The following MSH4 variants were observed in gnomAD, a reference collection of about 807,000 sequenced individuals.
MSH4 encodes mutS homolog 4.
Under a neutral mutation model 113.7 loss-of-function variants are expected in MSH4, and 106 were observed. The ratio of observed to expected loss-of-function variants is 0.93; its 90% confidence interval spans 0.80 to 1.10. MSH4 has a LOEUF of 1.10. Among genes scored for constraint, MSH4 ranks in the 50% least tolerant of loss-of-function variants. The pLI is 0.00. For missense variants in MSH4, 1,061 were observed against 1,093.7 expected, an observed-to-expected ratio of 0.97 and a Z score of 0.42; for synonymous variants, 368 against 380.2, an observed-to-expected ratio of 0.97 and a Z score of 0.37.
chr1:75,805,722 C>A (rs1417550857), intron 2 of MSH4, among the ~76,000 whole-genome samples: 2 of 152,000 alleles, frequency 1.3e-5, no homozygotes, highest in Non-Finnish European at 2.9e-5. Context: ...AGATATATTG[C>A]CAAGTTTCTT....
At position 75,822,491 on chromosome 1, in the gene MSH4, C is replaced by T; in HGVS notation, c.1072C>T (p.Pro358Ser). The T allele has an allele frequency of 3.8e-6, 6 of 1,582,854 alleles. No homozygotes were observed. The highest frequency in any genetic ancestry group is 5.1e-6 in the Non-Finnish European group (6 of 1,165,658). Residue 358 changes from proline to serine, a missense_variant, in exon 7 of 20, where the codon CCT (proline) becomes TCT (serine). Physicochemically the swap from Pro to Ser is moderately conservative, Grantham distance 74. Coordinates refer to ENST00000263187, the MANE Select transcript of MSH4 (RefSeq NM_002440.4). ...ACGACTTCGTTCTAATATATTAGAG[C>T]CTCTAGTTGATATTGAAACCATTAA... ...SRRLRSNILE[P>S]LVDIETINMR...
chr1:75,809,525 G>T (rs959950908), intron 3 of MSH4, among the ~76,000 whole-genome samples: 6 of 151,836 alleles, frequency 4.0e-5, no homozygotes, highest in Admixed American at 6.6e-5. Flanking sequence ...CTTATTTTAT[G>T]AAAAGCTAAG....
intron 15 of MSH4, among the ~76,000 whole-genome samples, chr1:75,888,002 A>G (rs1283291553): frequency 1.3e-5 from 2 of 150,796 alleles, no homozygotes; most frequent in African/African-American, 4.9e-5. Flanking sequence ...TTTATAATTT[A>G]TTGGGTTATT....
chr1:75,880,452 T>C (rs1651906761), intron 13 of MSH4, among the ~76,000 whole-genome samples: 1 of 152,098 alleles, frequency 6.6e-6, no homozygotes, highest in African/African-American at 2.4e-5. Flanking sequence ...TTTCCTATGG[T>C]CTGTAAGTCC....
At chr1:75,904,463 G>T in intron 19 of MSH4, among the ~76,000 whole-genome samples, 1 of 151,834 alleles carries the variant, frequency 6.6e-6, no homozygotes, top group Admixed American at 6.6e-5. Flanking sequence ...AAAAATATCT[G>T]GTATAATGCA....
At chr1:75,850,775 A>G (rs988902091) in intron 8 of MSH4, among the ~76,000 whole-genome samples, 2 of 152,080 alleles carry the variant, frequency 1.3e-5, no homozygotes, top group African/African-American at 4.8e-5. Context: ...TTAAGAAAGG[A>G]GTGTCAAAAT....
At chr1:75,849,326 G>A (rs969098416) in intron 8 of MSH4, among the ~76,000 whole-genome samples, 1 of 152,138 alleles carries the variant, frequency 6.6e-6, no homozygotes, top group Non-Finnish European at 1.5e-5. Context: ...ATTCTGCAAA[G>A]AAAGTAATAA....
At chr1:75,906,957 C>G (rs1055137187) in intron 19 of MSH4, among the ~76,000 whole-genome samples, 6 of 152,046 alleles carry the variant, frequency 3.9e-5, no homozygotes, top group Admixed American at 3.9e-4. Flanking sequence ...CCTCAGCCTC[C>G]TGAGTAGCTG....
At chr1:75,904,093 A>C (rs1652567647) in intron 19 of MSH4, among the ~76,000 whole-genome samples, 1 of 152,166 alleles carries the variant, frequency 6.6e-6, no homozygotes, top group South Asian at 2.1e-4. Context: ...GAATTTTGTC[A>C]AATACTTTTT....
rs1197417063 is a variant in MSH4, at chr1:75,886,696, TATATAA to T, written c.2108-2549_2108-2544del. 5.4e-5 allele frequency among the ~76,000 whole-genome samples: 7 copies of T among 130,830 alleles called. 1 individual carries two copies. In the East Asian group the frequency reaches 7.3e-4, roughly 14 times the overall value. 85.8% of individuals were successfully genotyped at this position (130,830 alleles called of 152,430 possible). ...ACATTATATACATTATAATGTATAATATATAAATATATTATATATAAATGTATACAT... is the reference window on the plus strand; with the variant it reads ...ACATTATATACATTATAATGTATAATATATATTATATATAAATGTATACAT... On this transcript the variant is annotated intron_variant, in intron 15 of 19. Coordinates refer to ENST00000263187, the MANE Select transcript of MSH4 (RefSeq NM_002440.4).
At chr1:75,834,182 C>G (rs1319249389) in intron 7 of MSH4, among the ~76,000 whole-genome samples, 1 of 152,252 alleles carries the variant, frequency 6.6e-6, no homozygotes, top group African/African-American at 2.4e-5. Flanking sequence ...TGAAAAAGTA[C>G]TCCTTATCAC....
At chr1:75,808,920 T>C (rs1294552363) in intron 3 of MSH4, among the ~76,000 whole-genome samples, 1 of 152,170 alleles carries the variant, frequency 6.6e-6, no homozygotes, top group Non-Finnish European at 1.5e-5. Context: ...GTTATTTAAC[T>C]CAATTATTAT....
At chr1:75,866,241 A>G (rs1651559911) in intron 8 of MSH4, among the ~76,000 whole-genome samples, 1 of 152,106 alleles carries the variant, frequency 6.6e-6, no homozygotes, top group African/African-American at 2.4e-5. Flanking sequence ...TGCTTACTGC[A>G]GGCTCAACCT....
intron 3 of MSH4, 39 bp downstream of exon 3, chr1:75,807,180 G>A (rs774320833): frequency 6.9e-7 from 1 of 1,459,420 alleles, no homozygotes; most frequent in South Asian, 1.6e-5. Context: ...TGCTCTGTTA[G>A]GCAGTATCTA....
intron 8 of MSH4, among the ~76,000 whole-genome samples, chr1:75,854,013 G>GTATATATATATATATATATATATATATA (rs59347058): frequency 0.019 from 2,200 of 115,868 alleles, 141 homozygotes; most frequent in East Asian, 0.098. Context: ...GTGTGTGTGT[G>GTATATATATATATATATATATATATATA]TATATATATA....
chr1:75,837,137 T>G (rs2100536103), intron 7 of MSH4, among the ~76,000 whole-genome samples: 1 of 152,258 alleles, frequency 6.6e-6, no homozygotes, highest in South Asian at 2.1e-4. Context: ...ATGGGATCAG[T>G]GCCCTTATAA....
intron 6 of MSH4, among the ~76,000 whole-genome samples, chr1:75,819,491 A>G (rs1195493394): frequency 1.3e-5 from 2 of 152,172 alleles, no homozygotes; most frequent in African/African-American, 4.8e-5. Flanking sequence ...CTCTGTCTAA[A>G]TAAATAAATA....
Position 75,803,889 on chromosome 1 carries a change from TG to T in MSH4, c.405del (p.Trp135Ter). ...TCCTCAGAGATCAGGTTATAAGAGC[TG>T]GACACCACAAGTGGGATATTCAGGT... ...GNPQRSGYKS[W>X]TPQVGYSASS... On this transcript the variant is annotated frameshift_variant, in exon 2 of 20. Transcript: ENST00000263187. LOFTEE classifies it high-confidence loss of function. 2 of 1,557,744 alleles carry T rather than the reference TG, an allele frequency of 1.3e-6. No homozygotes were observed. The highest frequency in any genetic ancestry group is 1.7e-6 in the Non-Finnish European group (2 of 1,155,826).
intron 1 of MSH4, among the ~76,000 whole-genome samples, chr1:75,797,942 TCAAAA>T (rs1042304553): frequency 6.6e-6 from 1 of 152,174 alleles, no homozygotes; most frequent in East Asian, 1.9e-4. Context: ...AGACCCTGAC[TCAAAA>T]CAAACAAACA....
Sources: allele counts gnomAD v4.1 joint callset (sites outside exome capture counted in the v4.1 genomes callset), GRCh38; gene constraint gnomAD v4.1.1; transcripts MANE v1.5; gene names NCBI Gene and HGNC (gene_info 2026-07-23, HGNC 2026-07-21).